PIK3C2B: variants seen among roughly 807,000 people sequenced by gnomAD.
PIK3C2B encodes phosphatidylinositol 4-phosphate 3-kinase C2 domain-containing subunit beta.
Under a neutral mutation model 184.3 loss-of-function variants are expected in PIK3C2B, and 83 were observed. The observed-to-expected ratio is 0.45, with a 90% CI of 0.38 to 0.54. PIK3C2B has a LOEUF of 0.54. Ranked by LOEUF, PIK3C2B falls within the 20% of genes least tolerant of loss-of-function variation. The pLI is 0.00. For missense variants in PIK3C2B, 1,736 were observed against 2,113.5 expected (o/e 0.82, Z 3.50); for synonymous variants, 779 against 837.6 (o/e 0.93, Z 1.21).
chr1:204,468,848 AG>A (rs778026299), intron 2 of PIK3C2B, 21 bp downstream of exon 2: 1 of 1,546,162 alleles, frequency 6.5e-7, no homozygotes, highest in Non-Finnish European at 8.7e-7. Flanking sequence ...GGAAGGCAGA[AG>A]AAACACAAGA....
At chr1:204,443,369 C>T (rs773833260) in intron 19 of PIK3C2B, 48 bp downstream of exon 19, 43 of 1,558,162 alleles carry the variant, frequency 2.8e-5, no homozygotes, top group South Asian at 7.9e-5. Flanking sequence ...AAACTGGCTG[C>T]CAAAGCCCTG....
Position 204,464,573 on chromosome 1 carries a change from A to T in PIK3C2B, c.1066T>A (p.Phe356Ile). Residue 356 changes from phenylalanine to isoleucine, a missense_variant, in exon 4 of 33, where the codon TTC becomes ATC. Phe to Ile is a conservative substitution (Grantham distance 21). Around this residue, in one of 8 missense-constraint regions of PIK3C2B, gnomAD observed 609 missense variants for 699.2 expected, o/e 0.87. Transcript: ENST00000684373. ...LRSGSDIQDY[F>I]LTGYVWSAVT... Reference sequence around the variant, plus strand: ...GCACTCCAGACATAGCCAGTGAGGAAGTAGTCTTGGATGTCAGAGCCAGAT... The same window carrying T: ...GCACTCCAGACATAGCCAGTGAGGATGTAGTCTTGGATGTCAGAGCCAGAT... 6.2e-7 allele frequency: 1 copy of T among 1,614,102 alleles called. No homozygotes were observed.
At chr1:204,425,799 A>C in intron 31 of PIK3C2B, 58 bp from the exon 32 acceptor site, 1 of 1,520,556 alleles carries the variant, frequency 6.6e-7, no homozygotes, top group South Asian at 1.1e-5. Context: ...TCTCTTCACC[A>C]CCATTCCTGT....
At chr1:204,478,436 C>G (rs1241657845) in intron 1 of PIK3C2B, among the ~76,000 whole-genome samples, 1 of 152,228 alleles carries the variant, frequency 6.6e-6, no homozygotes, top group Non-Finnish European at 1.5e-5. Flanking sequence ...AGCCGGCTCC[C>G]CCAGCCTCCA....
intron 12 of PIK3C2B, among the ~76,000 whole-genome samples, chr1:204,453,104 C>T (rs1317096254): frequency 6.6e-6 from 1 of 152,160 alleles, no homozygotes; most frequent in African/African-American, 2.4e-5. Flanking sequence ...CCTCGGCCTC[C>T]CCAGGACCCT....
chr1:204,463,546 C>A (rs1210876024), intron 5 of PIK3C2B, among the ~76,000 whole-genome samples: 4 of 152,128 alleles, frequency 2.6e-5, no homozygotes, highest in Non-Finnish European at 5.9e-5. Context: ...GGGGAAAAGA[C>A]TTGTTGGCAG....
At chr1:204,431,538 G>A in intron 28 of PIK3C2B, 131 bp downstream of exon 28, 1 of 1,155,498 alleles carries the variant, frequency 8.7e-7, no homozygotes, top group Non-Finnish European at 1.3e-6. Context: ...CTCCATACCA[G>A]GCCAAGCAAA....
At chr1:204,432,919 T>G (rs186463188) in intron 26 of PIK3C2B, among the ~76,000 whole-genome samples, 5 of 152,276 alleles carry the variant, frequency 3.3e-5, no homozygotes, top group Admixed American at 3.3e-4. Flanking sequence ...CTAAAAACAT[T>G]GTCAAATATG....
At chr1:204,453,418 G>A (rs1347747502) in intron 12 of PIK3C2B, among the ~76,000 whole-genome samples, 2 of 152,134 alleles carry the variant, frequency 1.3e-5, no homozygotes, top group African/African-American at 2.4e-5. Context: ...TTGTGCTTTT[G>A]GTTTCATATT....
chr1:204,464,520 C>G lies in PIK3C2B; in HGVS notation c.1119G>C (p.Gly373=). Residue 373 remains glycine, a synonymous_variant, in exon 4 of 33, where the codon GGG becomes GGC. Transcript: ENST00000684373. ...SAVTPSPEHL[G]DEVNLKVTVL... ...CAGTCACCTTCAGGTTGACCTCATCCCCGAGGTGCTCTGGGCTAGGGGTGA... is the reference window on the plus strand; with the variant it reads ...CAGTCACCTTCAGGTTGACCTCATCGCCGAGGTGCTCTGGGCTAGGGGTGA... The G allele has an allele frequency of 6.2e-7, 1 of 1,613,996 alleles. No homozygotes were observed. Among genetic ancestry groups the G allele is most frequent in the Non-Finnish European group, 8.5e-7 (1 of 1,179,882 alleles).
At chr1:204,457,594 A>G in intron 9 of PIK3C2B, 134 bp downstream of exon 9, 1 of 826,386 alleles carries the variant, frequency 1.2e-6, no homozygotes, top group Non-Finnish European at 1.8e-6. Flanking sequence ...TGAATTCCTT[A>G]AACATAAAAG....
intron 10 of PIK3C2B, 130 bp downstream of exon 10, chr1:204,456,907 C>CA (rs55787797): frequency 0.018 from 2,271 of 129,058 alleles, 20 homozygotes; most frequent in East Asian, 0.028. Context: ...CACACACACA[C>CA]CCACACACAC....
chr1:204,466,642 AAG>A, intron 2 of PIK3C2B: 2 of 379,492 alleles, frequency 5.3e-6, no homozygotes, highest in Non-Finnish European at 5.2e-6. Context: ...GAAAAAGAGA[AAG>A]AGAGAGAGAC....
chr1:204,444,312 G>T lies in PIK3C2B; in HGVS notation c.2772+19C>A. The stretch of plus-strand genomic sequence containing the variant: ...GGGGATGGGACCAGCAAAACTGGAG[G>T]GAGGACCAATCCACCCACCTGTACC... On this transcript the variant is annotated intron_variant, in intron 17 of 32. Transcript: ENST00000684373. 6.2e-7 allele frequency: 1 copy of T among 1,601,584 alleles called. No homozygotes were observed. The highest frequency in any genetic ancestry group is 8.6e-7 in the Non-Finnish European group (1 of 1,168,548).
At position 204,447,312 on chromosome 1, in the gene PIK3C2B, C is replaced by T. The variant is rs1371100623; in HGVS notation, c.2489+124G>A. ...ATGGAGAAAGGCCTGGGGGCTGCCT[C>T]CACTTCCTGCTGAGATGGCAATGCC... On this transcript the variant is annotated intron_variant, in intron 15 of 32. Coordinates refer to ENST00000684373, the MANE Select transcript of PIK3C2B (RefSeq NM_001377334.1). This position sits in a 1 kb window ranked among gnomAD's most constrained non-coding sequence, Gnocchi z 4.1. 5.6e-6 allele frequency: 5 copies of T among 896,614 alleles called. No homozygotes were observed. Among genetic ancestry groups the T allele is most frequent in the Non-Finnish European group, 8.6e-6 (5 of 583,270 alleles). The allele number at this position is 896,614 out of a possible 1,614,324, so 55.5% of individuals were successfully genotyped here. A position where few individuals can be genotyped will look rare whatever the true frequency, so the allele number is the denominator to read the frequency against.
intron 1 of PIK3C2B, among the ~76,000 whole-genome samples, chr1:204,478,098 C>T (rs1430130310): frequency 2.0e-5 from 3 of 152,134 alleles, no homozygotes; most frequent in Non-Finnish European, 4.4e-5. Flanking sequence ...AGAGACTCAG[C>T]TCTAGGACTT....
In PIK3C2B at chr1:204,424,227, C is replaced by T. The variant is rs1674628125; in HGVS notation, c.*625G>A. On this transcript the variant is annotated 3_prime_UTR_variant, in exon 33 of 33. Coordinates refer to ENST00000684373, the MANE Select transcript of PIK3C2B (RefSeq NM_001377334.1). ...CAAGCCTCAGTCCAGCACAGGCAGC[C>T]CTCCCCAACCCTCCCCAACCTGTCC... 5.8e-6 allele frequency: 1 copy of T among 172,928 alleles called. No homozygotes were observed. The highest frequency in any genetic ancestry group is 1.3e-5 in the Non-Finnish European group (1 of 79,742). The allele number at this position is 172,928 out of a possible 1,614,324, so 10.7% of individuals were successfully genotyped here. A position where few individuals can be genotyped will look rare whatever the true frequency, so the allele number is the denominator to read the frequency against.
chr1:204,448,659 T>A, intron 14 of PIK3C2B, among the ~76,000 whole-genome samples: 1 of 144,934 alleles, frequency 6.9e-6, no homozygotes, highest in Non-Finnish European at 1.5e-5. Flanking sequence ...AAAACCTGCC[T>A]CAGGGAGCTT....
At chr1:204,457,161 T>A in intron 9 of PIK3C2B, 91 bp from the exon 10 acceptor site, 1 of 1,057,860 alleles carries the variant, frequency 9.5e-7, no homozygotes, top group Non-Finnish European at 1.4e-6. Context: ...TGCGCTCATC[T>A]GGACCAGAAT....
Sources: allele counts gnomAD v4.1 joint callset (sites outside exome capture counted in the v4.1 genomes callset), GRCh38; gene constraint gnomAD v4.1.1; regional missense constraint gnomAD v4.1.1; non-coding constraint Gnocchi (gnomAD v3.1); transcripts MANE v1.5; gene names NCBI Gene and HGNC (gene_info 2026-07-23, HGNC 2026-07-21).